TENM4: variants seen among roughly 807,000 people sequenced by gnomAD.
The protein encoded by TENM4 is teneurin-4.
Under a neutral mutation model 243.3 loss-of-function variants are expected in TENM4, and 82 were observed. The ratio of observed to expected loss-of-function variants is 0.34; its 90% CI spans 0.28 to 0.40. The LOEUF (loss-of-function observed/expected upper bound fraction) is 0.40, where lower values mean the gene tolerates loss of function less well. TENM4 is among the 10% of genes least tolerant of loss of function. The pLI, the probability that TENM4 is intolerant of heterozygous loss-of-function variation, is 1.00. For missense variants in TENM4, 3,138 were observed against 3,673.3 expected (o/e 0.85, Z 3.77); for synonymous variants, 1,412 against 1,456.3 (o/e 0.97, Z 0.69).
intron 2 of TENM4, among the ~76,000 whole-genome samples, chr11:79,292,666 G>A (rs1856376324): frequency 1.3e-5 from 2 of 152,238 alleles, no homozygotes; most frequent in Non-Finnish European, 2.9e-5. Context: ...CAGGAGGCCA[G>A]TATATCTGGG....
At chr11:79,176,184 A>T (rs1863154724) in intron 3 of TENM4, among the ~76,000 whole-genome samples, 1 of 152,166 alleles carries the variant, frequency 6.6e-6, no homozygotes, top group South Asian at 2.1e-4. Flanking sequence ...CTGATTACAA[A>T]CTGTTTACTC....
rs538004021 is a variant in TENM4, at chr11:78,907,640, A to G, written c.494-4117T>C. Among the ~76,000 whole-genome samples, 111 of 152,262 alleles carry G rather than the reference A, an allele frequency of 7.3e-4. 1 individual carries two copies. Among genetic ancestry groups the G allele is most frequent in the African/African-American group, 2.6e-3 (109 of 41,554 alleles). On this transcript the variant is annotated intron_variant, in intron 6 of 33. Coordinates refer to ENST00000278550, the MANE Select transcript of TENM4 (RefSeq NM_001098816.3). ...CTACTAAGCCCTGAGGGAAAGACCCATGTGTCATTTCTTTCCATATCCCCA... is the reference window on the plus strand; with the variant it reads ...CTACTAAGCCCTGAGGGAAAGACCCGTGTGTCATTTCTTTCCATATCCCCA...
chr11:79,265,777 A>G (rs1021175444), intron 2 of TENM4, among the ~76,000 whole-genome samples: 1 of 152,124 alleles, frequency 6.6e-6, no homozygotes, highest in African/African-American at 2.4e-5. Flanking sequence ...GGGAGGAAAC[A>G]GGGCTTTGGA....
At chr11:79,106,399 C>T (rs1381572646) in intron 4 of TENM4, among the ~76,000 whole-genome samples, 1 of 152,228 alleles carries the variant, frequency 6.6e-6, no homozygotes, top group Non-Finnish European at 1.5e-5. Flanking sequence ...TTGTGTTCCC[C>T]CTACCAGCAG....
intron 27 of TENM4, among the ~76,000 whole-genome samples, chr11:78,703,120 G>C (rs144359000): frequency 6.6e-6 from 1 of 152,254 alleles, no homozygotes; most frequent in East Asian, 1.9e-4. Flanking sequence ...CCCCACCCTT[G>C]GTGGGTGAAA....
chr11:79,139,777 A>AATATATATATTATAT (rs1231182496), intron 4 of TENM4, among the ~76,000 whole-genome samples: 3,410 of 26,716 alleles, frequency 0.13, 371 homozygotes, highest in Non-Finnish European at 0.16. Flanking sequence ...ATAAATATAT[A>AATATATATATTATAT]ATATATATTA....
intron 2 of TENM4, among the ~76,000 whole-genome samples, chr11:79,286,499 CAAAAA>C (rs59227835): frequency 1.3e-4 from 16 of 126,522 alleles, no homozygotes; most frequent in African/African-American, 2.1e-4. Context: ...CTAAAAAATC[CAAAAA>C]AAAAAAAAAA....
chr11:79,224,158 A>C (rs977687237), intron 2 of TENM4, among the ~76,000 whole-genome samples: 1 of 152,158 alleles, frequency 6.6e-6, no homozygotes, highest in African/African-American at 2.4e-5. Context: ...CCTTGTTGCT[A>C]TCAATTCTCT....
At chr11:79,028,326 C>T (rs7927281) in intron 6 of TENM4, among the ~76,000 whole-genome samples, 1 of 152,078 alleles carries the variant, frequency 6.6e-6, no homozygotes, top group African/African-American at 2.4e-5. Flanking sequence ...CCTAGGTCAG[C>T]TTCCCTGGGA....
intron 12 of TENM4, among the ~76,000 whole-genome samples, chr11:78,851,536 T>C (rs59204467): frequency 0.034 from 5,134 of 152,292 alleles, 291 homozygotes; most frequent in African/African-American, 0.12. Context: ...TGCTAAGTTA[T>C]TAAAAATAAG....
intron 6 of TENM4, among the ~76,000 whole-genome samples, chr11:78,998,998 G>A (rs189434620): frequency 6.6e-6 from 1 of 152,320 alleles, no homozygotes; most frequent in Admixed American, 6.5e-5. Context: ...AGCTTTGAAT[G>A]TATTTCCCTT....
At chr11:79,074,772 C>G (rs935084103) in intron 4 of TENM4, among the ~76,000 whole-genome samples, 88 of 152,290 alleles carry the variant, frequency 5.8e-4, no homozygotes, top group African/African-American at 1.9e-3. Flanking sequence ...CTTCCCTGCC[C>G]CCACTAGCTC....
chr11:78,813,101 C>T (rs2136103930), intron 13 of TENM4, among the ~76,000 whole-genome samples: 1 of 152,300 alleles, frequency 6.6e-6, no homozygotes, highest in East Asian at 1.9e-4. Flanking sequence ...CACCTGGCTT[C>T]TTTCCTTTTT....
chr11:79,349,998 A>G (rs1175902758), intron 1 of TENM4, among the ~76,000 whole-genome samples: 2 of 152,148 alleles, frequency 1.3e-5, no homozygotes, highest in Non-Finnish European at 1.5e-5. Context: ...ATTCTATCAC[A>G]TTGCCCACCT....
At chr11:79,184,744 A>C (rs535391205) in intron 3 of TENM4, among the ~76,000 whole-genome samples, 54 of 152,348 alleles carry the variant, frequency 3.5e-4, no homozygotes, top group African/African-American at 1.3e-3. Context: ...GTTATTGTTT[A>C]ATGGGCATAG....
intron 18 of TENM4, among the ~76,000 whole-genome samples, chr11:78,767,260 T>G (rs1856557688): frequency 6.6e-6 from 1 of 152,224 alleles, no homozygotes; most frequent in South Asian, 2.1e-4. Context: ...TAAGCTTCCT[T>G]TTCCTTATCA....
Position 79,086,864 on chromosome 11 carries a change from C to T in TENM4, c.-65-16855G>A, listed in dbSNP as rs578208564. ...AAAAAAAAAAAAAAAGGAAATATTA[C>T]GAGGGTAATAAGGATAATGCTGCCT... is the stretch of plus-strand genomic sequence containing the variant. On this transcript the variant is annotated intron_variant, in intron 4 of 33. Transcript: ENST00000278550. 1.7e-3 allele frequency among the ~76,000 whole-genome samples: 252 copies of T among 145,230 alleles called. 1 individual carries two copies. Among genetic ancestry groups the T allele is most frequent in the Non-Finnish European group, 2.7e-3 (177 of 66,738 alleles).
intron 6 of TENM4, among the ~76,000 whole-genome samples, chr11:78,989,525 A>G (rs1017853094): frequency 6.6e-6 from 1 of 152,220 alleles, no homozygotes; most frequent in African/African-American, 2.4e-5. Context: ...TTCTGAGAAC[A>G]TGAAGAACAA....
intron 6 of TENM4, among the ~76,000 whole-genome samples, chr11:78,919,899 G>A (rs748939073): frequency 5.9e-5 from 9 of 152,186 alleles, no homozygotes; most frequent in Non-Finnish European, 1.0e-4. Context: ...GAAACACCGC[G>A]TCACTCTTCA....
Sources: allele counts gnomAD v4.1 joint callset (sites outside exome capture counted in the v4.1 genomes callset), GRCh38; gene constraint gnomAD v4.1.1; transcripts MANE v1.5; gene names NCBI Gene and HGNC (gene_info 2026-07-23, HGNC 2026-07-21).